Variants in TRMT44 observed in about 807,000 individuals in gnomAD.
The protein encoded by TRMT44 is tRNA methyltransferase 44 homolog.
TRMT44 carries 78 observed loss-of-function variants against 77.3 expected under a neutral mutation model. The observed-to-expected ratio is 1.01, with a 90% confidence interval of 0.84 to 1.22. TRMT44 has a LOEUF of 1.22. Ranked by LOEUF, TRMT44 falls within the 50% of genes most tolerant of loss-of-function variation. The probability of loss-of-function intolerance (pLI) is 0.00; values close to 1 mark genes in which losing one functional copy is unlikely to be tolerated. For synonymous variants in TRMT44, 391 were observed against 383.3 expected, an observed-to-expected ratio of 1.02 and a Z score of -0.23; for missense variants, 1,090 against 964.4, an observed-to-expected ratio of 1.13 and a Z score of -1.73.
chr4:8,504,545 C>T, the TRMT44 span, among the ~76,000 whole-genome samples: 1 of 151,994 alleles, frequency 6.6e-6, no homozygotes, highest in Non-Finnish European at 1.5e-5. This position sits in a 1 kb window ranked among gnomAD's most constrained non-coding sequence, Gnocchi z 5.3. Flanking sequence ...GGACCTGTGC[C>T]GAGTCTGTAG....
chr4:8,516,338 G>A, the TRMT44 span, among the ~76,000 whole-genome samples: 1 of 152,152 alleles, frequency 6.6e-6, no homozygotes, highest in African/African-American at 2.4e-5. Context: ...GGACACTCCT[G>A]ACACCAGCTG....
At chr4:8,458,129 C>G (rs1725925637) in intron 6 of TRMT44, among the ~76,000 whole-genome samples, 1 of 152,170 alleles carries the variant, frequency 6.6e-6, no homozygotes. Context: ...TTCTTTTATG[C>G]CATAGACTCT....
downstream of TRMT44, chr4:8,479,220 CA>C (rs1440297688): frequency 3.3e-5 from 5 of 151,420 alleles, no homozygotes; most frequent in African/African-American, 1.2e-4. Context: ...GACTTGCCCC[CA>C]GCTCATTTCT....
downstream of TRMT44, among the ~76,000 whole-genome samples, chr4:8,496,065 A>G (rs1260308236): frequency 6.6e-6 from 1 of 152,188 alleles, no homozygotes; most frequent in Non-Finnish European, 1.5e-5. Flanking sequence ...GGAAACCTTC[A>G]TTTGCATAGA....
chr4:8,449,396 A>G (rs1452378525), intron 2 of TRMT44, among the ~76,000 whole-genome samples: 1 of 152,246 alleles, frequency 6.6e-6, no homozygotes, highest in East Asian at 1.9e-4. Context: ...ATGAAGCAGC[A>G]GGAGAGAGGC....
Position 8,476,114 on chromosome 4 carries a change from C to T in TRMT44, c.*113C>T. The T allele has an allele frequency of 1.1e-6, 1 of 882,394 alleles. No individual in the cohort carries two copies. Among genetic ancestry groups the T allele is most frequent in the Non-Finnish European group, 1.8e-6 (1 of 570,510 alleles). The allele number at this position is 882,394 out of a possible 1,614,324, so 54.7% of individuals were successfully genotyped here. On this transcript the variant is annotated 3_prime_UTR_variant, in exon 11 of 11. Transcript: ENST00000389737. The stretch of plus-strand genomic sequence containing the variant: ...TGGCTGTGTTTCAGCCCACCTCCTC[C>T]CAGCTTTCTCCACATCCTCACAGTG...
At chr4:8,464,565 G>A (rs1038495054) in intron 7 of TRMT44, among the ~76,000 whole-genome samples, 11 of 152,206 alleles carry the variant, frequency 7.2e-5, no homozygotes, top group Non-Finnish European at 1.2e-4. Context: ...GCTGCTCCTC[G>A]TTGACGTTTC....
At chr4:8,462,675 A>G (rs999609009) in intron 6 of TRMT44, among the ~76,000 whole-genome samples, 1 of 152,236 alleles carries the variant, frequency 6.6e-6, no homozygotes, top group African/African-American at 2.4e-5. Flanking sequence ...ACTGCACTCC[A>G]GCCTGGTGAC....
In TRMT44 at chr4:8,451,761, G is replaced by T. The variant is rs938382395; in HGVS notation, c.955-199G>T. 1.3e-5 allele frequency among the ~76,000 whole-genome samples: 2 copies of T among 152,234 alleles called. No individual in the cohort carries two copies. Among genetic ancestry groups the T allele is most frequent in the South Asian group, 2.1e-4 (1 of 4,826 alleles). On this transcript the variant is annotated intron_variant, in intron 3 of 10. Transcript: ENST00000389737. This position sits in a 1 kb window ranked among gnomAD's most constrained non-coding sequence, Gnocchi z 4.1. ...GTGAAATCTTGCTTTGGATTGGATT[G>T]TTCTTGGCATGCCTTGTTTCTTTAT...
chr4:8,490,411 G>A (rs145630351), intron 2 of TRMT44, among the ~76,000 whole-genome samples: 4 of 152,080 alleles, frequency 2.6e-5, no homozygotes, highest in African/African-American at 9.7e-5. Flanking sequence ...GGTCTCGCTG[G>A]CTCAGGAGTG....
At chr4:8,464,929 C>T (rs1726425687) in intron 7 of TRMT44, among the ~76,000 whole-genome samples, 1 of 152,164 alleles carries the variant, frequency 6.6e-6, no homozygotes, top group African/African-American at 2.4e-5. Context: ...TGGGGTGCAG[C>T]TGGAGGCCAT....
chr4:8,515,704 G>A, the TRMT44 span, among the ~76,000 whole-genome samples: 1 of 152,170 alleles, frequency 6.6e-6, no homozygotes, highest in African/African-American at 2.4e-5. Flanking sequence ...CAAGGAGCAG[G>A]CTGGTCCCTC....
rs1303802961 is a variant in TRMT44, at chr4:8,444,430, C to G, written c.620-2046C>G. Among the ~76,000 whole-genome samples, 1 of 150,192 alleles carries G rather than the reference C, an allele frequency of 6.7e-6. No homozygotes were observed. Among genetic ancestry groups the G allele is most frequent in the Non-Finnish European group, 1.5e-5 (1 of 67,740 alleles). On this transcript the variant is annotated intron_variant, in intron 1 of 10. Transcript: ENST00000389737. This position sits in a 1 kb window ranked among gnomAD's most constrained non-coding sequence, Gnocchi z 4.0. The stretch of plus-strand genomic sequence containing the variant: ...TTTTTTTTTTTTGAGAGTAGTCTCG[C>G]TCTGTGGCCCAGGCTAGAGTGCAGT...
chr4:8,444,802 A>ATGT lies in TRMT44; in HGVS notation c.620-1674_620-1673insTGT, dbSNP rs2109083781. On this transcript the variant is annotated intron_variant, in intron 1 of 10. Transcript: ENST00000389737. This position sits in a 1 kb window ranked among gnomAD's most constrained non-coding sequence, Gnocchi z 4.0. ...ATGCCCCATTCTCCATGATGTGATT[A>ATGT]GTTCACATTGCATGCCTGGATCAAA... Among the ~76,000 whole-genome samples, 1 of 152,402 alleles carries ATGT rather than the reference A, an allele frequency of 6.6e-6. No homozygotes were observed. Among genetic ancestry groups the ATGT allele is most frequent in the Non-Finnish European group, 1.5e-5 (1 of 68,042 alleles).
In TRMT44 at chr4:8,441,212, T is replaced by C. The variant is rs902824919; in HGVS notation, c.390T>C (p.Ala130=). The part of the protein sequence containing the change: ...PLRDSGHPGH[A]EGREGDFPAA... ...GGGACTCCGGGCACCCCGGCCATGC[T>C]GAAGGAAGGGAGGGCGACTTCCCCG... The change falls in exon 1 of 11, where the codon GCT becomes GCC. Residue 130 remains alanine, a synonymous_variant. Transcript: ENST00000389737. 1.3e-6 allele frequency: 2 copies of C among 1,535,080 alleles called. No individual in the cohort carries two copies. The highest frequency in any genetic ancestry group is 1.7e-6 in the Non-Finnish European group (2 of 1,146,360).
At chr4:8,454,935 T>A in intron 6 of TRMT44, 122 bp downstream of exon 6, 2 of 860,090 alleles carry the variant, frequency 2.3e-6, no homozygotes, top group Non-Finnish European at 3.8e-6. Flanking sequence ...ACCTTCACAT[T>A]AATCTAAGTG....
At chr4:8,489,716 G>A (rs1035100849) in intron 2 of TRMT44, among the ~76,000 whole-genome samples, 18 of 152,166 alleles carry the variant, frequency 1.2e-4, no homozygotes, top group African/African-American at 4.1e-4. Context: ...GACCTCAGGT[G>A]ATCAGCCTGC....
chr4:8,497,377 G>T (rs1728178649), downstream of TRMT44, among the ~76,000 whole-genome samples: 1 of 152,150 alleles, frequency 6.6e-6, no homozygotes, highest in Admixed American at 6.5e-5. Context: ...CGGGCACGGT[G>T]GCTCACGCCT....
chr4:8,487,867 G>A (rs1188641762), intron 2 of TRMT44, among the ~76,000 whole-genome samples: 1 of 152,186 alleles, frequency 6.6e-6, no homozygotes, highest in African/African-American at 2.4e-5. Context: ...TGAAACCTGG[G>A]TGAATAGTCA....
Sources: gnomAD v4.1 joint callset for allele counts (sites outside exome capture counted in the v4.1 genomes callset) on GRCh38, gnomAD v4.1.1 for gene constraint, Gnocchi (gnomAD v3.1) non-coding constraint, MANE v1.5 for transcripts, NCBI Gene and HGNC (gene_info 2026-07-23, HGNC 2026-07-21) for gene names.